The following WRN variants were observed in gnomAD, a reference collection of about 807,000 sequenced individuals.
WRN encodes bifunctional 3'-5' exonuclease/ATP-dependent helicase WRN.
In WRN, 149 loss-of-function variants were observed where a neutral mutation model predicts 180.7. The ratio of observed to expected loss-of-function variants is 0.82; its 90% confidence interval spans 0.72 to 0.94. The LOEUF is 0.94. WRN is among the 40% of genes least tolerant of loss of function. The pLI, the probability that WRN is intolerant of heterozygous loss-of-function variation, is 0.00. For missense variants in WRN, 1,661 were observed against 1,700.1 expected, an observed-to-expected ratio of 0.98 and a Z score of 0.40; for synonymous variants, 548 against 568.9, an observed-to-expected ratio of 0.96 and a Z score of 0.52.
intron 33 of WRN, among the ~76,000 whole-genome samples, chr8:31,163,498 T>G (rs1803717930): frequency 6.6e-6 from 1 of 151,948 alleles, no homozygotes; most frequent in Non-Finnish European, 1.5e-5. Flanking sequence ...TTTACTCGTG[T>G]TAAAGTTGTA....
At chr8:31,114,304 T>C (rs1801430270) in intron 19 of WRN, among the ~76,000 whole-genome samples, 1 of 152,196 alleles carries the variant, frequency 6.6e-6, no homozygotes, top group African/African-American at 2.4e-5. Context: ...GTCTTAATTA[T>C]AATATATTCA....
At chr8:31,141,291 C>T (rs955843352) in intron 24 of WRN, 139 bp from the exon 25 acceptor site, 167 of 996,692 alleles carry the variant, frequency 1.7e-4, no homozygotes, top group Middle Eastern at 2.5e-4. Context: ...AGAATGAGCA[C>T]GATGGGTATA....
At chr8:31,164,171 C>T (rs921252815) in intron 33 of WRN, among the ~76,000 whole-genome samples, 5 of 152,070 alleles carry the variant, frequency 3.3e-5, no homozygotes, top group African/African-American at 9.7e-5. Context: ...CACTCATAAT[C>T]ATTAAACTAT....
intron 1 of WRN, among the ~76,000 whole-genome samples, chr8:31,036,088 T>C (rs1811444751): frequency 6.6e-6 from 1 of 152,206 alleles, no homozygotes; most frequent in African/African-American, 2.4e-5. Flanking sequence ...ATTTTTTAGC[T>C]CCCACATATA....
At chr8:31,139,471 A>T (rs559953365) in intron 24 of WRN, among the ~76,000 whole-genome samples, 86 of 152,182 alleles carry the variant, frequency 5.7e-4, no homozygotes, top group Admixed American at 2.0e-3. Context: ...TCCACTGCAA[A>T]ATAGTTCACC....
At chr8:31,093,617 T>C (rs919916637) in intron 16 of WRN, among the ~76,000 whole-genome samples, 2 of 152,196 alleles carry the variant, frequency 1.3e-5, no homozygotes, top group Non-Finnish European at 2.9e-5. Flanking sequence ...ATCACCTTTA[T>C]TGAGGTGTAA....
At chr8:31,119,941 A>C (rs1801656174) in intron 20 of WRN, 1 of 326,028 alleles carries the variant, frequency 3.1e-6, no homozygotes. Flanking sequence ...ATAATGCAAA[A>C]GTTTTCTTTA....
intron 33 of WRN, among the ~76,000 whole-genome samples, chr8:31,158,079 C>A (rs1406035198): frequency 4.6e-5 from 7 of 152,116 alleles, no homozygotes; most frequent in Admixed American, 2.6e-4. Flanking sequence ...TACAACTTCC[C>A]CACCATCCAA....
Position 31,120,191 on chromosome 8 carries a change from G to A in WRN, c.2449-52G>A, listed in dbSNP as rs374589561. ...TCTTACAAAAAGGTATAAATGTAAG[G>A]TTTTCATTCTGCTAAATATGTTTGT... On this transcript the variant is annotated intron_variant, in intron 20 of 34. Coordinates refer to ENST00000298139, the MANE Select transcript of WRN (RefSeq NM_000553.6). 11 of 1,603,886 alleles carry A rather than the reference G, an allele frequency of 6.9e-6. No homozygotes were observed. In the African/African-American group the frequency reaches 1.3e-4, roughly 20 times the overall value.
chr8:31,069,572 A>G (rs1812831643), intron 7 of WRN, among the ~76,000 whole-genome samples: 1 of 152,276 alleles, frequency 6.6e-6, no homozygotes, highest in South Asian at 2.1e-4. Flanking sequence ...TTTATAAGGT[A>G]TTATAAGAAA....
intron 11 of WRN, among the ~76,000 whole-genome samples, chr8:31,086,115 T>A (rs892927215): frequency 1.3e-5 from 2 of 152,170 alleles, no homozygotes; most frequent in African/African-American, 4.8e-5. Context: ...GAAAAGCCAA[T>A]GTAGCTAAAT....
chr8:31,056,511 A>G (rs1316170141), intron 1 of WRN, among the ~76,000 whole-genome samples: 3 of 152,208 alleles, frequency 2.0e-5, no homozygotes, highest in Admixed American at 6.5e-5. Flanking sequence ...GTTGAGTTGT[A>G]CCCATCGGCA....
At chr8:31,083,608 A>G in intron 9 of WRN, 91 bp from the exon 10 acceptor site, 3 of 929,704 alleles carry the variant, frequency 3.2e-6, no homozygotes, top group Non-Finnish European at 5.1e-6. Context: ...AAGTTGTCTA[A>G]AGATATCTAG....
chr8:31,150,392 A>G lies in WRN; in HGVS notation c.3624A>G (p.Lys1208=). The G allele has an allele frequency of 6.2e-7, 1 of 1,614,192 alleles. No homozygotes were observed. ...VKRIDGVSEG[K]AAMLAPLLEV... ...GGATTGATGGTGTTTCTGAAGGCAA[A>G]GCTGCCATGTTGGCCCCTCTGTTGG... is the stretch of plus-strand genomic sequence containing the variant. The change falls in exon 31 of 35, where the codon AAA becomes AAG. Residue 1208 remains lysine (K), a synonymous_variant. Coordinates refer to ENST00000298139, the MANE Select transcript of WRN (RefSeq NM_000553.6).
chr8:31,139,393 C>G (rs944107047), intron 24 of WRN, among the ~76,000 whole-genome samples: 1 of 152,076 alleles, frequency 6.6e-6, no homozygotes, highest in Admixed American at 6.5e-5. Context: ...CATAATCATT[C>G]TAGTGAATTT....
At chr8:31,129,593 A>G (rs1802064454) in intron 23 of WRN, among the ~76,000 whole-genome samples, 1 of 151,948 alleles carries the variant, frequency 6.6e-6, no homozygotes, top group Non-Finnish European at 1.5e-5. Flanking sequence ...ACACTTAAAT[A>G]ATTCATATTC....
rs76077884 is a variant in WRN, at chr8:31,059,394, C to T, written c.209+129C>T. 2.3e-3 allele frequency: 1,649 copies of T among 705,740 alleles called. 30 individuals are homozygous for T. In the African/African-American group the frequency reaches 0.027, roughly 11 times the overall value. 43.7% of individuals were successfully genotyped at this position (705,740 alleles called of 1,614,324 possible). ...CAATAGATAATTATTTCTATGTATA[C>T]ACTATCACCAAGTTTTACATTTCAA... On this transcript the variant is annotated intron_variant, in intron 3 of 34. Transcript: ENST00000298139.
intron 18 of WRN, among the ~76,000 whole-genome samples, chr8:31,105,786 T>C (rs552013126): frequency 2.0e-5 from 3 of 152,206 alleles, no homozygotes; most frequent in Non-Finnish European, 4.4e-5. Flanking sequence ...AAGTCTATAC[T>C]GAGGACTCCC....
At chr8:31,131,777 T>G (rs1563370447) in intron 23 of WRN, 1 of 153,950 alleles carries the variant, frequency 6.5e-6, no homozygotes, top group Non-Finnish European at 1.4e-5. Flanking sequence ...ACATTATCCT[T>G]GTTCTCAGTC....
Sources: allele counts gnomAD v4.1 joint callset (sites outside exome capture counted in the v4.1 genomes callset), GRCh38; gene constraint gnomAD v4.1.1; transcripts MANE v1.5; gene names NCBI Gene and HGNC (gene_info 2026-07-23, HGNC 2026-07-21).